The following AIFM2 variants were observed in gnomAD, a reference collection of about 807,000 sequenced individuals.
The protein encoded by AIFM2 is AIF family member 2, ferroptosis suppressor, also known as ferroptosis suppressor protein 1.
A neutral mutation model predicts 35.7 loss-of-function variants in AIFM2; 38 were observed. The ratio of observed to expected loss-of-function variants is 1.06; its 90% CI spans 0.82 to 1.39. AIFM2 has a LOEUF of 1.39. Among genes scored for constraint, AIFM2 ranks in the 40% most tolerant of loss-of-function variants. The pLI, the probability that AIFM2 is intolerant of heterozygous loss-of-function variation, is 0.00. For synonymous variants in AIFM2, 185 were observed against 203.5 expected (o/e 0.91, Z 0.77); for missense variants, 476 against 491.2 (o/e 0.97, Z 0.29).
chr10:70,124,012 C>A lies in AIFM2; in HGVS notation c.73G>T (p.Ala25Ser), dbSNP rs141124652. 1 of 1,611,946 alleles carries A rather than the reference C, an allele frequency of 6.2e-7. No individual in the cohort carries two copies. Among genetic ancestry groups the A allele is most frequent in the African/African-American group, 1.3e-5 (1 of 74,816 alleles). ...VIVGGGFGGI[A>S]AASQLQALNV... is the part of the protein sequence containing the mutation. The stretch of plus-strand genomic sequence containing the variant: ...AGGGCCTGCAGCTGGCTGGCTGCTG[C>A]GATCCCGCCAAAGCCCCCACCCACA... The change falls in exon 2 of 9, where the codon GCA (alanine) becomes TCA (serine). Residue 25 changes from alanine (A) to serine (S), a missense_variant. Ala to Ser is a moderately conservative substitution (Grantham distance 99). Coordinates refer to ENST00000307864, the MANE Select transcript of AIFM2 (RefSeq NM_032797.6).
chr10:70,127,460 G>A (rs1176031920), intron 1 of AIFM2, among the ~76,000 whole-genome samples: 1 of 152,212 alleles, frequency 6.6e-6, no homozygotes, highest in Non-Finnish European at 1.5e-5. Context: ...CAGGAAGGGA[G>A]GAGGCAGGTA....
At chr10:70,119,370 G>T (rs960766939) in intron 5 of AIFM2, among the ~76,000 whole-genome samples, 3 of 152,156 alleles carry the variant, frequency 2.0e-5, no homozygotes, top group Admixed American at 6.5e-5. Context: ...GGGGACCTAT[G>T]GACTTGCAAC....
rs780708284 is a variant in AIFM2, at chr10:70,114,259, G to A, written c.1041C>T (p.Gly347=). 23 of 1,613,874 alleles carry A rather than the reference G, an allele frequency of 1.4e-5. No homozygotes were observed. The East Asian group carries it at 2.2e-4, about 16-fold the overall frequency. ...GVGQISGFYV[G]RLMVRLTKSR... is the part of the protein sequence containing the mutation. Reference sequence around the variant, plus strand: ...TCTTGGTCAGCCGAACCATGAGCCGGCCCACATAGAAGCCACTGATTTGGC... The same window carrying A: ...TCTTGGTCAGCCGAACCATGAGCCGACCCACATAGAAGCCACTGATTTGGC... Residue 347 remains glycine, a synonymous_variant, in exon 9 of 9, where the codon GGC becomes GGT. Transcript: ENST00000307864.
At chr10:70,114,372 G>T in intron 8 of AIFM2, 43 bp from the exon 9 acceptor site, 1 of 1,611,310 alleles carries the variant, frequency 6.2e-7, no homozygotes, top group Non-Finnish European at 8.5e-7. Flanking sequence ...TCACTGAACC[G>T]CCTGGGGCTG....
At chr10:70,124,364 T>C (rs1459809486) in intron 1 of AIFM2, among the ~76,000 whole-genome samples, 2 of 152,240 alleles carry the variant, frequency 1.3e-5, no homozygotes, top group African/African-American at 4.8e-5. Flanking sequence ...CTTCCAGAGA[T>C]AGTTTATGCA....
intron 2 of AIFM2, 29 bp from the exon 3 acceptor site, chr10:70,123,549 G>A: frequency 6.2e-7 from 1 of 1,600,008 alleles, no homozygotes; most frequent in African/African-American, 1.3e-5. Context: ...AGAGGTCATA[G>A]GGCAGAGCCA....
chr10:70,116,172 G>T (rs1293227710), intron 7 of AIFM2, among the ~76,000 whole-genome samples: 1 of 152,190 alleles, frequency 6.6e-6, no homozygotes, highest in Non-Finnish European at 1.5e-5. Flanking sequence ...CGCAAATACT[G>T]AGCTTTAAGA....
rs2072398435 is a variant in AIFM2 at position 70,113,296 on chromosome 10, G to C, written c.*882C>G. ...TCCCAGCACTTCGAGAGGCCAAGAC[G>C]AATGGATCACCTGAGGTCAGGTGTT... On this transcript the variant is annotated 3_prime_UTR_variant, in exon 9 of 9. Transcript: ENST00000307864. 1 of 152,254 alleles carries C rather than the reference G, an allele frequency of 6.6e-6. No individual in the cohort carries two copies. Among genetic ancestry groups the C allele is most frequent in the South Asian group, 2.1e-4 (1 of 4,830 alleles). The allele number at this position is 152,254 out of a possible 1,614,324, so 9.4% of individuals were successfully genotyped here.
chr10:70,127,260 G>A (rs190856941), intron 1 of AIFM2, among the ~76,000 whole-genome samples: 33 of 152,352 alleles, frequency 2.2e-4, no homozygotes, highest in African/African-American at 7.2e-4. Flanking sequence ...CCACTTCCAA[G>A]TTAGCTGGGC....
intron 4 of AIFM2, among the ~76,000 whole-genome samples, 191 bp downstream of exon 4, chr10:70,120,901 C>T (rs929720072): frequency 7.9e-5 from 12 of 152,148 alleles, no homozygotes; most frequent in African/African-American, 2.9e-4. Context: ...GTTTAGGGTG[C>T]TCACATCCTG....
chr10:70,123,922 C>T lies in AIFM2; in HGVS notation c.163G>A (p.Ala55Thr). ...AGCACATTACCTGTCTCCACGGAGGCTCGGAGAGCAGCCACATTGTGGTGG... is the reference window on the plus strand; with the variant it reads ...AGCACATTACCTGTCTCCACGGAGGTTCGGAGAGCAGCCACATTGTGGTGG... Reference protein sequence around the residue: ...SFHHNVAALRASVETGFAKKT... With the variant: ...SFHHNVAALRTSVETGFAKKT... The change falls in exon 2 of 9, where the codon GCC becomes ACC. Residue 55 changes from alanine (A) to threonine (T), a missense_variant. By Grantham distance (58) the Ala-to-Thr change is moderately conservative. Transcript: ENST00000307864. 6.3e-7 allele frequency: 1 copy of T among 1,592,014 alleles called. No homozygotes were observed. Among genetic ancestry groups the T allele is most frequent in the Non-Finnish European group, 8.6e-7 (1 of 1,164,768 alleles).
intron 1 of AIFM2, among the ~76,000 whole-genome samples, chr10:70,126,969 G>C (rs1032532581): frequency 6.6e-6 from 1 of 152,216 alleles, no homozygotes; most frequent in African/African-American, 2.4e-5. Flanking sequence ...CCCTCAGAAG[G>C]GTTGTCTAGA....
chr10:70,132,016 C>T (rs1021113318), intron 1 of AIFM2, among the ~76,000 whole-genome samples: 3 of 152,214 alleles, frequency 2.0e-5, no homozygotes, highest in Admixed American at 6.5e-5. Flanking sequence ...CTCACCACTC[C>T]CCATCCTCAC....
intron 8 of AIFM2, among the ~76,000 whole-genome samples, chr10:70,114,582 C>G (rs1227481552): frequency 6.6e-6 from 1 of 152,090 alleles, no homozygotes; most frequent in Non-Finnish European, 1.5e-5. Context: ...TCAAGCCATT[C>G]TCCTGCCTCA....
chr10:70,118,887 C>A (rs2072467150), intron 5 of AIFM2, among the ~76,000 whole-genome samples: 1 of 152,116 alleles, frequency 6.6e-6, no homozygotes, highest in African/African-American at 2.4e-5. Flanking sequence ...ATGGGAGCAT[C>A]TTTTGTTCTA....
intron 1 of AIFM2, among the ~76,000 whole-genome samples, chr10:70,127,702 T>C (rs1252856248): frequency 6.6e-6 from 1 of 152,126 alleles, no homozygotes; most frequent in Non-Finnish European, 1.5e-5. Context: ...CCCAGGCCCC[T>C]AGTATCATCA....
chr10:70,118,783 G>A (rs1005299777), intron 5 of AIFM2, among the ~76,000 whole-genome samples: 7 of 152,154 alleles, frequency 4.6e-5, no homozygotes, highest in East Asian at 3.9e-4. Context: ...CCTCATTGCC[G>A]GTTCTTGATA....
At chr10:70,120,637 C>T (rs1252079878) in intron 4 of AIFM2, 38 bp from the exon 5 acceptor site, 94 of 1,602,806 alleles carry the variant, frequency 5.9e-5, no homozygotes, top group Non-Finnish European at 8.0e-5. Flanking sequence ...ACATATGAAA[C>T]ACACCTACAC....
Position 70,114,163 on chromosome 10 carries a change from C to G in AIFM2, c.*15G>C. On this transcript the variant is annotated 3_prime_UTR_variant, in exon 9 of 9. Coordinates refer to ENST00000307864, the MANE Select transcript of AIFM2 (RefSeq NM_032797.6). ...CGCCCACCTGCTGCGGTAGTTCTCC[C>G]GCCTGGCCTCTCCATCAAGGTGGAG... 6.2e-7 allele frequency: 1 copy of G among 1,608,272 alleles called. No homozygotes were observed. The highest frequency in any genetic ancestry group is 8.5e-7 in the Non-Finnish European group (1 of 1,177,188).
Sources: gnomAD v4.1 joint callset for allele counts (sites outside exome capture counted in the v4.1 genomes callset) on GRCh38, gnomAD v4.1.1 for gene constraint, MANE v1.5 for transcripts, NCBI Gene and HGNC (gene_info 2026-07-23, HGNC 2026-07-21) for gene names.